AGBL1: variants seen among roughly 807,000 people sequenced by gnomAD.
AGBL1 encodes AGBL carboxypeptidase 1, also known as cytosolic carboxypeptidase 4.
Under a neutral mutation model 118.9 loss-of-function variants are expected in AGBL1, and 130 were observed. The ratio of observed to expected loss-of-function variants is 1.09; its 90% CI spans 0.95 to 1.26. AGBL1 has a LOEUF of 1.26. AGBL1 is among the 50% of genes most tolerant of loss of function. AGBL1 has a pLI of 0.00. For synonymous variants in AGBL1, 555 were observed against 478.9 expected, an observed-to-expected ratio of 1.16 and a Z score of -2.08; for missense variants, 1,584 against 1,298.1, an observed-to-expected ratio of 1.22 and a Z score of -3.38.
At chr15:86,969,002 T>G (rs544380592) in intron 23 of AGBL1, among the ~76,000 whole-genome samples, 8 of 152,010 alleles carry the variant, frequency 5.3e-5, no homozygotes, top group African/African-American at 1.9e-4. Flanking sequence ...CACTTTAGGG[T>G]TAGATTTCAA....
chr15:86,416,199 GT>G (rs2081692602), intron 18 of AGBL1, among the ~76,000 whole-genome samples: 1 of 152,088 alleles, frequency 6.6e-6, no homozygotes, highest in African/African-American at 2.4e-5. Flanking sequence ...ATATTGACTC[GT>G]TTCTAAGAAG....
At chr15:86,562,636 A>C (rs1414366090) in intron 21 of AGBL1, among the ~76,000 whole-genome samples, 7 of 152,220 alleles carry the variant, frequency 4.6e-5, no homozygotes, top group South Asian at 4.1e-4. Flanking sequence ...AGGCTTTGGT[A>C]GCAGGATGAT....
chr15:86,844,430 T>A (rs951796569), intron 22 of AGBL1, among the ~76,000 whole-genome samples: 1 of 152,182 alleles, frequency 6.6e-6, no homozygotes, highest in Non-Finnish European at 1.5e-5. Context: ...GGTATCACCT[T>A]GTGGTTTTCA....
chr15:86,524,551 G>T (rs552580477), intron 19 of AGBL1, among the ~76,000 whole-genome samples: 1 of 152,074 alleles, frequency 6.6e-6, no homozygotes, highest in African/African-American at 2.4e-5. Context: ...TTGTTGGGGG[G>T]TCAGTTATGT....
intron 16 of AGBL1, among the ~76,000 whole-genome samples, chr15:86,290,404 G>C (rs1330562170): frequency 6.8e-6 from 1 of 147,400 alleles, no homozygotes; most frequent in Non-Finnish European, 1.5e-5. Flanking sequence ...AGGATGGAGT[G>C]CAGTGACTTG....
At chr15:86,834,658 T>C (rs1466052267) in intron 22 of AGBL1, among the ~76,000 whole-genome samples, 1 of 152,182 alleles carries the variant, frequency 6.6e-6, no homozygotes, top group African/African-American at 2.4e-5. Context: ...TATGTGTCTC[T>C]AGGCTGCGTG....
rs146162364 is a variant in AGBL1, at chr15:86,857,461, C to G, written c.3159-49626C>G. Among the ~76,000 whole-genome samples, 1,332 of 152,262 alleles carry G rather than the reference C, an allele frequency of 8.7e-3. 9 individuals carry two copies. The highest frequency in any genetic ancestry group is 0.012 in the Non-Finnish European group (838 of 68,014). On this transcript the variant is annotated intron_variant, in intron 22 of 22. Coordinates refer to ENST00000614907, the MANE Select transcript of AGBL1 (RefSeq NM_001386094.1). ...CTTCTTTCATCTGTTTTCACATGGT[C>G]TCTCTCAAAACAGAGGCTTTTCCCA...
At chr15:86,343,080 T>C (rs1439215288) in intron 17 of AGBL1, among the ~76,000 whole-genome samples, 1 of 152,166 alleles carries the variant, frequency 6.6e-6, no homozygotes, top group Non-Finnish European at 1.5e-5. Flanking sequence ...GGTTTTTACA[T>C]TTTTCTTGAT....
chr15:86,167,737 G>T (rs1004427730), intron 5 of AGBL1, among the ~76,000 whole-genome samples: 1 of 152,164 alleles, frequency 6.6e-6, no homozygotes, highest in African/African-American at 2.4e-5. Context: ...GGAAGGAAAG[G>T]GTCAAAAGGA....
At chr15:86,129,956 T>C (rs2076798059) in intron 1 of AGBL1, among the ~76,000 whole-genome samples, 1 of 152,076 alleles carries the variant, frequency 6.6e-6, no homozygotes, top group African/African-American at 2.4e-5. Context: ...GGCTAACATA[T>C]GTGAATTGAA....
chr15:87,009,690 C>G (rs916671896), intron 24 of AGBL1, among the ~76,000 whole-genome samples: 1 of 152,182 alleles, frequency 6.6e-6, no homozygotes, highest in Non-Finnish European at 1.5e-5. Flanking sequence ...CCCTGTGAAG[C>G]CACAGGGGCA....
At chr15:87,015,980 A>C (rs1286325875) in intron 24 of AGBL1, among the ~76,000 whole-genome samples, 1 of 152,182 alleles carries the variant, frequency 6.6e-6, no homozygotes, top group African/African-American at 2.4e-5. Context: ...AGCAATCTGA[A>C]GACTTCTTGC....
intron 20 of AGBL1, among the ~76,000 whole-genome samples, chr15:86,548,803 A>G (rs756695050): frequency 6.6e-6 from 1 of 152,036 alleles, no homozygotes; most frequent in Non-Finnish European, 1.5e-5. Context: ...CATTGCTGAG[A>G]CTGGATAAAT....
At position 86,391,633 on chromosome 15, in the gene AGBL1, G is replaced by A. The variant is rs962491012; in HGVS notation, c.2375-5733G>A. Reference sequence around the variant, plus strand: ...TCTGATCATACCTTTGTATAATGTTGTTGTTGGTTTTTTTTTTTTTTTTTT... The same window carrying A: ...TCTGATCATACCTTTGTATAATGTTATTGTTGGTTTTTTTTTTTTTTTTTT... On this transcript the variant is annotated intron_variant, in intron 17 of 22. Coordinates refer to ENST00000614907, the MANE Select transcript of AGBL1 (RefSeq NM_001386094.1). Among the ~76,000 whole-genome samples the A allele has an allele frequency of 2.6e-4, 23 of 87,400 alleles. 1 individual carries two copies. The East Asian group carries it at 0.01, about 39-fold the overall frequency. The allele number at this position is 87,400 out of a possible 152,430, so 57.3% of individuals were successfully genotyped here. A position where few individuals can be genotyped will look rare whatever the true frequency, so the allele number is the denominator to read the frequency against.
chr15:86,406,019 G>T (rs1310089722), intron 18 of AGBL1, among the ~76,000 whole-genome samples: 1 of 152,198 alleles, frequency 6.6e-6, no homozygotes, highest in Non-Finnish European at 1.5e-5. Context: ...AGCCTAGAGG[G>T]TGAAGGAGTC....
At chr15:86,084,794 A>G (rs914126782) in intron 1 of AGBL1, among the ~76,000 whole-genome samples, 20 of 152,178 alleles carry the variant, frequency 1.3e-4, no homozygotes, top group African/African-American at 4.6e-4. Flanking sequence ...TTCAATATCC[A>G]TCTATCCATC....
intron 17 of AGBL1, among the ~76,000 whole-genome samples, chr15:86,306,383 A>G (rs1016748345): frequency 1.3e-5 from 2 of 152,152 alleles, no homozygotes; most frequent in African/African-American, 4.8e-5. Context: ...TTCGATTTTT[A>G]GATCCCACAA....
At chr15:86,785,373 TTTTTTG>T (rs1393326727) in intron 22 of AGBL1, among the ~76,000 whole-genome samples, 5 of 139,722 alleles carry the variant, frequency 3.6e-5, no homozygotes, top group Admixed American at 7.2e-5. Context: ...TTTTTTTTTT[TTTTTTG>T]TTTTTGTTTT....
chr15:86,502,447 T>C (rs961095357), intron 18 of AGBL1, among the ~76,000 whole-genome samples: 71 of 151,624 alleles, frequency 4.7e-4, no homozygotes, highest in African/African-American at 1.6e-3. Flanking sequence ...ATAATTTCTC[T>C]GGCTAGGATC....
Sources: allele counts gnomAD v4.1 joint callset (sites outside exome capture counted in the v4.1 genomes callset), GRCh38; gene constraint gnomAD v4.1.1; transcripts MANE v1.5; gene names NCBI Gene and HGNC (gene_info 2026-07-23, HGNC 2026-07-21).